The following MMS22L variants were observed in gnomAD, a reference collection of about 807,000 sequenced individuals.
MMS22L encodes MMS22 like, DNA repair protein.
MMS22L carries 74 observed loss-of-function variants against 159.1 expected under a neutral mutation model. The observed-to-expected ratio is 0.47, with a 90% CI of 0.39 to 0.56. The LOEUF is 0.56. Among genes scored for constraint, MMS22L ranks in the 20% least tolerant of loss-of-function variants. The probability of loss-of-function intolerance (pLI) is 0.00; values close to 1 mark genes in which losing one functional copy is unlikely to be tolerated. For synonymous variants in MMS22L, 517 were observed against 506.9 expected (o/e 1.02, Z -0.27); for missense variants, 1,351 against 1,422.1 (o/e 0.95, Z 0.80).
intron 11 of MMS22L, among the ~76,000 whole-genome samples, chr6:97,241,710 G>A (rs1812094433): frequency 6.6e-6 from 1 of 151,994 alleles, no homozygotes; most frequent in Non-Finnish European, 1.5e-5. Flanking sequence ...GTCTATTTGT[G>A]CTCTTTCAGA....
chr6:97,243,469 T>C (rs902064028), intron 11 of MMS22L, among the ~76,000 whole-genome samples: 5 of 152,170 alleles, frequency 3.3e-5, no homozygotes, highest in Admixed American at 6.5e-5. Context: ...TCTCTGGAGA[T>C]CTTTTCATGC....
intron 10 of MMS22L, among the ~76,000 whole-genome samples, chr6:97,251,819 C>T (rs911298723): frequency 6.6e-6 from 1 of 152,188 alleles, no homozygotes; most frequent in African/African-American, 2.4e-5. Flanking sequence ...TACGGTGGCT[C>T]ACGCCTGTAA....
At chr6:97,272,479 A>G (rs1203734571) in intron 6 of MMS22L, 2 of 443,486 alleles carry the variant, frequency 4.5e-6, no homozygotes, top group African/African-American at 4.0e-5. Context: ...TATTTAATTC[A>G]TCCAATGATT....
At chr6:97,238,521 G>C (rs376475511) in intron 11 of MMS22L, among the ~76,000 whole-genome samples, 1 of 151,244 alleles carries the variant, frequency 6.6e-6, no homozygotes. Flanking sequence ...GGAGTACTAC[G>C]CATCTCCCAC....
intron 14 of MMS22L, among the ~76,000 whole-genome samples, chr6:97,194,660 T>C (rs1407033513): frequency 1.3e-5 from 2 of 152,134 alleles, no homozygotes; most frequent in Non-Finnish European, 2.9e-5. Flanking sequence ...TACATAATCC[T>C]GTCATGGAGG....
intron 14 of MMS22L, among the ~76,000 whole-genome samples, chr6:97,190,065 A>C (rs1269818248): frequency 3.9e-5 from 6 of 152,306 alleles, no homozygotes; most frequent in African/African-American, 1.2e-4. Context: ...TGAACCAGAA[A>C]ACTAATTATA....
intron 22 of MMS22L, among the ~76,000 whole-genome samples, chr6:97,159,888 TC>T (rs1406660326): frequency 6.6e-6 from 1 of 150,868 alleles, no homozygotes; most frequent in Non-Finnish European, 1.5e-5. Context: ...ACACTTCTGT[TC>T]CCAAGCATTT....
At chr6:97,244,880 G>A (rs1288511306) in intron 11 of MMS22L, among the ~76,000 whole-genome samples, 1 of 152,110 alleles carries the variant, frequency 6.6e-6, no homozygotes, top group Admixed American at 6.5e-5. Flanking sequence ...ACTGTGGAGT[G>A]GGTATGGGCG....
chr6:97,147,974 A>T (rs1800992178), intron 24 of MMS22L, among the ~76,000 whole-genome samples: 1 of 152,216 alleles, frequency 6.6e-6, no homozygotes, highest in African/African-American at 2.4e-5. Flanking sequence ...TAGAGTGTGT[A>T]TTTGTACAGA....
At chr6:97,191,654 A>T (rs1004888915) in intron 14 of MMS22L, among the ~76,000 whole-genome samples, 1 of 152,198 alleles carries the variant, frequency 6.6e-6, no homozygotes, top group Non-Finnish European at 1.5e-5. Context: ...ACTATGAGTA[A>T]TTATTCCAAG....
intron 14 of MMS22L, among the ~76,000 whole-genome samples, chr6:97,191,215 G>C (rs1805829763): frequency 6.6e-6 from 1 of 152,132 alleles, no homozygotes; most frequent in Non-Finnish European, 1.5e-5. Context: ...ATGGAACCCT[G>C]TACCTGAAAC....
intron 14 of MMS22L, among the ~76,000 whole-genome samples, chr6:97,213,062 T>TGTGC (rs1290244325): frequency 6.6e-6 from 1 of 152,170 alleles, no homozygotes; most frequent in African/African-American, 2.4e-5. Flanking sequence ...TGTGCGTGTG[T>TGTGC]GTGTGTCTGT....
chr6:97,262,507 C>T (rs1334721317), intron 9 of MMS22L, among the ~76,000 whole-genome samples: 1 of 151,528 alleles, frequency 6.6e-6, no homozygotes, highest in Admixed American at 6.6e-5. Flanking sequence ...TAGCTGGCCA[C>T]GGTGGTGCAT....
chr6:97,209,205 A>T (rs1195452322), intron 14 of MMS22L, among the ~76,000 whole-genome samples: 1 of 151,998 alleles, frequency 6.6e-6, no homozygotes, highest in Non-Finnish European at 1.5e-5. Context: ...TTCACTTTAC[A>T]CTAGTTATAC....
chr6:97,205,980 T>C (rs1334144690), intron 14 of MMS22L, among the ~76,000 whole-genome samples: 2 of 152,204 alleles, frequency 1.3e-5, no homozygotes, highest in African/African-American at 4.8e-5. Flanking sequence ...TTAATTGTAT[T>C]GTGAGGCATG....
intron 14 of MMS22L, among the ~76,000 whole-genome samples, chr6:97,207,363 T>G (rs1483748438): frequency 1.3e-5 from 2 of 152,202 alleles, no homozygotes; most frequent in African/African-American, 4.8e-5. Flanking sequence ...GTCTCTGGCC[T>G]AATGCTGTGT....
chr6:97,182,570 C>A (rs1018861072), intron 15 of MMS22L, among the ~76,000 whole-genome samples: 2 of 152,174 alleles, frequency 1.3e-5, no homozygotes, highest in Non-Finnish European at 2.9e-5. Context: ...CCTTAGTTAA[C>A]CATGCTAAAC....
At chr6:97,153,909 T>G (rs1801581689) in intron 22 of MMS22L, among the ~76,000 whole-genome samples, 1 of 152,190 alleles carries the variant, frequency 6.6e-6, no homozygotes, top group South Asian at 2.1e-4. Flanking sequence ...TAAACAATAC[T>G]GCTATAAAAA....
chr6:97,217,537 G>A (rs1809154546), intron 14 of MMS22L, among the ~76,000 whole-genome samples: 1 of 152,130 alleles, frequency 6.6e-6, no homozygotes, highest in Non-Finnish European at 1.5e-5. Flanking sequence ...TTACAGGTGT[G>A]AGCCACTGCA....
Sources: gnomAD v4.1 joint callset for allele counts (sites outside exome capture counted in the v4.1 genomes callset) on GRCh38, gnomAD v4.1.1 for gene constraint, MANE v1.5 for transcripts, NCBI Gene and HGNC (gene_info 2026-07-23, HGNC 2026-07-21) for gene names.